GLRA2: variants seen among roughly 807,000 people sequenced by gnomAD.
GLRA2 encodes the protein glycine receptor subunit alpha-2.
Under a neutral mutation model 31.6 loss-of-function variants are expected in GLRA2, and 11 were observed. The ratio of observed to expected loss-of-function variants is 0.35; its 90% CI spans 0.22 to 0.58. The LOEUF (loss-of-function observed/expected upper bound fraction) is 0.58. Ranked by LOEUF, GLRA2 falls within the 20% of genes least tolerant of loss-of-function variation. The probability of loss-of-function intolerance (pLI) is 0.84; values close to 1 mark genes in which losing one functional copy is unlikely to be tolerated. For missense variants in GLRA2, 212 were observed against 351.8 expected (o/e 0.60, Z 3.18); for synonymous variants, 132 against 134.0 (o/e 0.99, Z 0.10).
At chrX:14,503,860 TA>T in the GLRA2 span, among the ~76,000 whole-genome samples, 2 of 111,839 alleles carry the variant, frequency 1.8e-5, no homozygotes, top group Non-Finnish European at 1.9e-5. Context: ...AAATTTAAAT[TA>T]TTTTTTTAAA....
chrX:14,669,186 C>A (rs2091065488), intron 7 of GLRA2, among the ~76,000 whole-genome samples: 1 of 112,429 alleles, frequency 8.9e-6, no homozygotes, highest in African/African-American at 3.2e-5. Context: ...CCATGTCTCA[C>A]ATCCAGGTGA....
At chrX:14,520,884 C>A in the GLRA2 span, among the ~76,000 whole-genome samples, 1 of 112,878 alleles carries the variant, frequency 8.9e-6, no homozygotes, top group Non-Finnish European at 1.9e-5. Context: ...CTTGTAGCAG[C>A]CTGCACAAAT....
chrX:14,551,368 C>T (rs1358772461), intron 2 of GLRA2, among the ~76,000 whole-genome samples: 2 of 111,681 alleles, frequency 1.8e-5, no homozygotes, highest in Admixed American at 9.5e-5. Context: ...CATTAATAAT[C>T]CTCCATAAAT....
At chrX:14,562,667 A>G in intron 2 of GLRA2, among the ~76,000 whole-genome samples, 1 of 112,196 alleles carries the variant, frequency 8.9e-6, no homozygotes, top group Middle Eastern at 4.6e-3. Context: ...CCTGGCTTGT[A>G]GATATCTGCC....
chrX:14,607,290 T>TTTTC (rs770447310), intron 6 of GLRA2, 22 bp downstream of exon 6: 48 of 1,137,607 alleles, frequency 4.2e-5, no homozygotes, highest in Non-Finnish European at 5.3e-5. Flanking sequence ...TTTTTTTTTT[T>TTTTC]TTCAGCTGTT....
chrX:14,663,717 G>A (rs2091013307), intron 7 of GLRA2, among the ~76,000 whole-genome samples: 1 of 111,353 alleles, frequency 9.0e-6, no homozygotes, highest in African/African-American at 3.3e-5. Flanking sequence ...TTTATCTAAG[G>A]AGAAAAATCA....
At chrX:14,691,625 A>G (rs1419798896) in intron 8 of GLRA2, among the ~76,000 whole-genome samples, 1 of 111,267 alleles carries the variant, frequency 9.0e-6, no homozygotes, top group Non-Finnish European at 1.9e-5. Context: ...TACACCAACT[A>G]AACCTCAATG....
chrX:14,602,528 C>G (rs913663765), intron 4 of GLRA2, among the ~76,000 whole-genome samples: 1 of 110,536 alleles, frequency 9.0e-6, no homozygotes, highest in Non-Finnish European at 1.9e-5. Flanking sequence ...GCACCCAGCA[C>G]CTGAGCAGTA....
intron 4 of GLRA2, among the ~76,000 whole-genome samples, chrX:14,591,373 C>A (rs967742483): frequency 9.0e-6 from 1 of 111,638 alleles, no homozygotes; most frequent in Non-Finnish European, 1.9e-5. Context: ...GACAGTGCAG[C>A]CTTTAGCCTG....
chrX:14,523,446 C>T, the GLRA2 span, among the ~76,000 whole-genome samples: 1 of 112,130 alleles, frequency 8.9e-6, no homozygotes, highest in African/African-American at 3.2e-5. Context: ...AGAAGTAGCA[C>T]TTTTATTTTT....
At chrX:14,634,050 G>A (rs1046802238) in intron 7 of GLRA2, among the ~76,000 whole-genome samples, 1 of 111,911 alleles carries the variant, frequency 8.9e-6, no homozygotes, top group African/African-American at 3.3e-5. Flanking sequence ...ACTGGTTCAA[G>A]CGATTCTCAT....
intron 3 of GLRA2, among the ~76,000 whole-genome samples, chrX:14,577,324 G>C: frequency 8.8e-6 from 1 of 113,276 alleles, no homozygotes; most frequent in Middle Eastern, 4.6e-3. Flanking sequence ...ACAGGCCATA[G>C]GTTGCCAGCC....
intron 2 of GLRA2, among the ~76,000 whole-genome samples, chrX:14,532,584 T>C (rs1429824681): frequency 8.9e-6 from 1 of 112,037 alleles, no homozygotes; most frequent in African/African-American, 3.2e-5. Flanking sequence ...TTGTGTTCTA[T>C]TTCACAAATA....
chrX:14,460,679 G>T, the GLRA2 span, among the ~76,000 whole-genome samples: 5 of 112,123 alleles, frequency 4.5e-5, no homozygotes, highest in South Asian at 1.8e-3. Flanking sequence ...ATGGTAGTTT[G>T]TATTTCTGTG....
At chrX:14,695,015 C>T (rs917588887) in intron 8 of GLRA2, among the ~76,000 whole-genome samples, 4 of 111,462 alleles carry the variant, frequency 3.6e-5, no homozygotes, top group African/African-American at 9.8e-5. Flanking sequence ...TGAGACATCT[C>T]GATAGAGTTG....
chrX:14,622,491 A>G (rs781613524), intron 7 of GLRA2, among the ~76,000 whole-genome samples: 2 of 111,309 alleles, frequency 1.8e-5, no homozygotes, highest in South Asian at 7.5e-4. Flanking sequence ...TTTTAGGTCT[A>G]ACATTTAAGT....
intron 7 of GLRA2, among the ~76,000 whole-genome samples, chrX:14,622,613 C>T (rs1349794757): frequency 8.9e-6 from 1 of 111,875 alleles, no homozygotes; most frequent in Non-Finnish European, 1.9e-5. Flanking sequence ...AATAGGGAAT[C>T]CTTTCCCCAT....
At chrX:14,538,354 G>A (rs1034555602) in intron 2 of GLRA2, among the ~76,000 whole-genome samples, 22 of 111,680 alleles carry the variant, frequency 2.0e-4, no homozygotes, top group Non-Finnish European at 4.0e-4. Flanking sequence ...CTATTATACA[G>A]ATAATTTGAG....
At chrX:14,602,786 T>C (rs1390367971) in intron 4 of GLRA2, among the ~76,000 whole-genome samples, 1 of 112,242 alleles carries the variant, frequency 8.9e-6, no homozygotes, top group Non-Finnish European at 1.9e-5. Flanking sequence ...TGAGTAGTAT[T>C]CTATCACATA....
Sources: allele counts gnomAD v4.1 joint callset (sites outside exome capture counted in the v4.1 genomes callset), GRCh38; gene constraint gnomAD v4.1.1; transcripts MANE v1.5; gene names NCBI Gene and HGNC (gene_info 2026-07-23, HGNC 2026-07-21).